SYT5: variants seen among roughly 807,000 people sequenced by gnomAD.
SYT5 encodes the protein synaptotagmin 5.
Under a neutral mutation model 36.0 loss-of-function variants are expected in SYT5, and 29 were observed. The observed-to-expected ratio is 0.81, with a 90% CI of 0.60 to 1.10. The LOEUF is 1.10. Ranked by LOEUF, SYT5 falls within the 50% of genes least tolerant of loss-of-function variation. The pLI is 0.00. For missense variants in SYT5, 512 were observed against 516.0 expected (o/e 0.99, Z 0.08); for synonymous variants, 231 against 227.6 (o/e 1.02, Z -0.14).
Position 55,178,216 on chromosome 19 carries a change from C to T in SYT5, c.232G>A (p.Gly78Ser). Residue 78 changes from glycine to serine, a missense_variant, in exon 3 of 9, where the codon GGC becomes AGC. By Grantham distance (56) the Gly-to-Ser change is moderately conservative. Transcript: ENST00000354308. Reference sequence around the variant, plus strand: ...CACACCTTGTCTATGTAACTCTGGCCCAGCCCCTTCACTTCCTGAAGGTGG... The same window carrying T: ...CACACCTTGTCTATGTAACTCTGGCTCAGCCCCTTCACTTCCTGAAGGTGG... The part of the protein sequence containing the change: ...QVHLQEVKGL[G>S]QSYIDKVQPE... The T allele has an allele frequency of 6.2e-7, 1 of 1,607,750 alleles. No individual in the cohort carries two copies. Among genetic ancestry groups the T allele is most frequent in the Non-Finnish European group, 8.5e-7 (1 of 1,177,422 alleles).
At chr19:55,174,209 C>A (rs1407683949) in intron 8 of SYT5, among the ~76,000 whole-genome samples, 1 of 141,478 alleles carries the variant, frequency 7.1e-6, no homozygotes, top group Non-Finnish European at 1.5e-5. Context: ...TGCTTGGGGG[C>A]GGAGCATCCT....
Position 55,176,066 on chromosome 19 carries a change from G to A in SYT5, c.311C>T (p.Ala104Val). ...CAGTCGTCCTAGCTCATGCTTGTCT[G>A]CCACCTGCTGCCCTGGCCCGGATGG... ...PAPSGPGQQV[A>V]DKHELGRLQY... Residue 104 changes from alanine to valine, a missense_variant, in exon 4 of 9, where the codon GCA becomes GTA. Ala to Val is a moderately conservative substitution (Grantham distance 64, BLOSUM62 0). Transcript: ENST00000354308. 6.2e-7 allele frequency: 1 copy of A among 1,614,198 alleles called. No homozygotes were observed. The highest frequency in any genetic ancestry group is 1.6e-4 in the Middle Eastern group (1 of 6,062).
Position 55,172,851 on chromosome 19 carries a change from A to T in SYT5, c.*633T>A, listed in dbSNP as rs973967725. ...AAGGGAGTTCTCGCGGACTCCTCAC[A>T]GCCAGCGTGTGGCAGGAATTATTAT... On this transcript the variant is annotated 3_prime_UTR_variant, in exon 9 of 9. Transcript: ENST00000354308. 1 of 152,314 alleles carries T rather than the reference A, an allele frequency of 6.6e-6. No individual in the cohort carries two copies. The highest frequency in any genetic ancestry group is 1.5e-5 in the Non-Finnish European group (1 of 68,078). 9.4% of individuals were successfully genotyped at this position (152,314 alleles called of 1,614,324 possible).
chr19:55,179,160 T>G lies in SYT5; in HGVS notation c.-45-74A>C. On this transcript the variant is annotated intron_variant, in intron 1 of 8. Coordinates refer to ENST00000354308, the MANE Select transcript of SYT5 (RefSeq NM_003180.3). The surrounding 1 kb of genome is among the most constrained non-coding windows in gnomAD (Gnocchi z 4.5). ...AAAGAACTCCAACTCCCATGAGGCC[T>G]TTGCGCGAACAGCCGCGCAGAAACC... The G allele has an allele frequency of 2.0e-6, 3 of 1,536,134 alleles. No individual in the cohort carries two copies. Among genetic ancestry groups the G allele is most frequent in the Non-Finnish European group, 2.6e-6 (3 of 1,146,068 alleles).
In SYT5 at chr19:55,175,125, G is replaced by T. The variant is rs539265162; in HGVS notation, c.708+47C>A. The T allele has an allele frequency of 1.3e-4, 213 of 1,578,824 alleles. No individual in the cohort carries two copies. The African/African-American group carries it at 2.7e-3, about 20-fold the overall frequency. On this transcript the variant is annotated intron_variant, in intron 6 of 8. Transcript: ENST00000354308. The surrounding 1 kb of genome is among the most constrained non-coding windows in gnomAD (Gnocchi z 4.5). ...TGATTGGCTCAGGATGTTGTGGGCGGGACTGGGCCTGGGGGCGTGGCTCGG... is the reference window on the plus strand; with the variant it reads ...TGATTGGCTCAGGATGTTGTGGGCGTGACTGGGCCTGGGGGCGTGGCTCGG...
At position 55,172,129 on chromosome 19, in the gene SYT5, A is replaced by AAAG. The variant is rs572469028; in HGVS notation, c.*1352_*1354dup. ...AAGAAAAGAAATAGAAAAGAAAAGA[A>AAAG]AAGAAGAAGGGCCGGGCGCGGTGGC... On this transcript the variant is annotated 3_prime_UTR_variant, in exon 9 of 9. Coordinates refer to ENST00000354308, the MANE Select transcript of SYT5 (RefSeq NM_003180.3). The AAAG allele has an allele frequency of 6.6e-6, 1 of 152,158 alleles. No homozygotes were observed. Among genetic ancestry groups the AAAG allele is most frequent in the Non-Finnish European group, 1.5e-5 (1 of 68,070 alleles). The allele number at this position is 152,158 out of a possible 1,614,324, so 9.4% of individuals were successfully genotyped here.
In SYT5 at chr19:55,178,170, G is replaced by C. The variant is rs201375667; in HGVS notation, c.252+26C>G. 1.1e-5 allele frequency: 17 copies of C among 1,602,480 alleles called. No homozygotes were observed. The East Asian group carries it at 3.6e-4, about 34-fold the overall frequency. ...AGGAGCAGGGTGCGGGAAGGGGCCA[G>C]GTGGAGGGGCTGGGCTGGGCCACAC... On this transcript the variant is annotated intron_variant, in intron 3 of 8. Transcript: ENST00000354308.
At position 55,178,064 on chromosome 19, in the gene SYT5, A is replaced by T. The variant is rs1261270174; in HGVS notation, c.252+132T>A. 2.9e-6 allele frequency: 3 copies of T among 1,041,302 alleles called. No homozygotes were observed. In the East Asian group the frequency reaches 7.9e-5, roughly 27 times the overall value. The allele number at this position is 1,041,302 out of a possible 1,614,324, so 64.5% of individuals were successfully genotyped here. ...TCCCCAGAGTCCAGTTGAGGGCTAG[A>T]CACACAGGGAGGATGAGCCAGTAAG... On this transcript the variant is annotated intron_variant, in intron 3 of 8. Transcript: ENST00000354308.
Position 55,174,943 on chromosome 19 carries a change from C to T in SYT5, c.765G>A (p.Lys255=). ...TAGCCTCCAGGACGATGACGGTGAG[C>T]TTCCCGGCCGTGGGGACATAGCGGA... ...FSLRYVPTAG[K]LTVIVLEAKN... is the part of the protein sequence containing the mutation. Residue 255 remains lysine, a synonymous_variant, in exon 7 of 9, where the codon AAG becomes AAA. Coordinates refer to ENST00000354308, the MANE Select transcript of SYT5 (RefSeq NM_003180.3). 6.2e-7 allele frequency: 1 copy of T among 1,614,188 alleles called. No individual in the cohort carries two copies. Among genetic ancestry groups the T allele is most frequent in the South Asian group, 1.1e-5 (1 of 91,080 alleles).
rs1373405489 is a variant in SYT5 at position 55,173,797 on chromosome 19, G to C, written c.961-113C>G. ...ACCTCTCGCTGCCACCCGAGGGCTCGGGGCCCCGGAGCTCGGGACGGGGGA... is the reference window on the plus strand; with the variant it reads ...ACCTCTCGCTGCCACCCGAGGGCTCCGGGCCCCGGAGCTCGGGACGGGGGA... On this transcript the variant is annotated intron_variant, in intron 8 of 8. Coordinates refer to ENST00000354308, the MANE Select transcript of SYT5 (RefSeq NM_003180.3). The surrounding 1 kb of genome is among the most constrained non-coding windows in gnomAD (Gnocchi z 5.4). 1.7e-6 allele frequency: 2 copies of C among 1,191,390 alleles called. No homozygotes were observed. Among genetic ancestry groups the C allele is most frequent in the Non-Finnish European group, 2.2e-6 (2 of 925,552 alleles). 73.8% of individuals were successfully genotyped at this position (1,191,390 alleles called of 1,614,324 possible).
Position 55,174,622 on chromosome 19 carries a change from C to T in SYT5, c.855G>A (p.Gln285=). The part of the protein sequence containing the change: ...SDPYVKVHLL[Q]GGKKVRKKKT... ...TCTTCTTCCGCACCTTTTTGCCGCCCTGCAGCAGGTGGACCTTGACGTATG... is the reference window on the plus strand; with the variant it reads ...TCTTCTTCCGCACCTTTTTGCCGCCTTGCAGCAGGTGGACCTTGACGTATG... Residue 285 remains glutamine, a synonymous_variant, in exon 8 of 9, where the codon CAG becomes CAA. Coordinates refer to ENST00000354308, the MANE Select transcript of SYT5 (RefSeq NM_003180.3). 6.2e-7 allele frequency: 1 copy of T among 1,614,008 alleles called. No homozygotes were observed. Among genetic ancestry groups the T allele is most frequent in the Non-Finnish European group, 8.5e-7 (1 of 1,179,976 alleles).
rs2147337347 is a variant in SYT5, at chr19:55,179,127, C to T, written c.-45-41G>A. 1.9e-6 allele frequency: 3 copies of T among 1,543,078 alleles called. No individual in the cohort carries two copies. Among genetic ancestry groups the T allele is most frequent in the Non-Finnish European group, 1.7e-6 (2 of 1,147,520 alleles). On this transcript the variant is annotated intron_variant, in intron 1 of 8. Transcript: ENST00000354308. This position sits in a 1 kb window ranked among gnomAD's most constrained non-coding sequence, Gnocchi z 4.5. ...CACCCCAGACGTCCTTTGAGCCCCA[C>T]GCACAACAAAGAACTCCAACTCCCA...
Position 55,173,910 on chromosome 19 carries a change from G to T in SYT5, c.961-226C>A, listed in dbSNP as rs1023554600. On this transcript the variant is annotated intron_variant, in intron 8 of 8. Coordinates refer to ENST00000354308, the MANE Select transcript of SYT5 (RefSeq NM_003180.3). This position sits in a 1 kb window ranked among gnomAD's most constrained non-coding sequence, Gnocchi z 5.4. Reference sequence around the variant, plus strand: ...TGCGCAGCCAGGTTTCTAAGGAAATGAACCCTCAGGACTCGGTTGCGGAGC... The same window carrying T: ...TGCGCAGCCAGGTTTCTAAGGAAATTAACCCTCAGGACTCGGTTGCGGAGC... The T allele has an allele frequency of 2.3e-6, 1 of 433,084 alleles. No individual in the cohort carries two copies. The highest frequency in any genetic ancestry group is 2.0e-5 in the African/African-American group (1 of 48,932). The allele number at this position is 433,084 out of a possible 1,614,324, so 26.8% of individuals were successfully genotyped here.
In SYT5 at chr19:55,179,690, A is replaced by G. The variant is rs148344791; in HGVS notation, c.-46+427T>C. The G allele has an allele frequency of 4.1e-3, 640 of 154,406 alleles. 6 individuals are homozygous for G. The highest frequency in any genetic ancestry group is 0.015 in the African/African-American group (603 of 41,478). 9.6% of individuals were successfully genotyped at this position (154,406 alleles called of 1,614,324 possible). ...GCAGGTTCCCTCTTCCCTCTCCCCA[A>G]TTTTGCTGGAGGGCGGGTCGGGGGC... On this transcript the variant is annotated intron_variant, in intron 1 of 8. Transcript: ENST00000354308. The surrounding 1 kb of genome is among the most constrained non-coding windows in gnomAD (Gnocchi z 4.5).
In SYT5 at chr19:55,173,651, C is replaced by T. The variant is rs753541581; in HGVS notation, c.994G>A (p.Asp332Asn). ...VQVELTVLDY[D>N]KLGKNEAIGR... ...ATGGCCTCGTTCTTGCCCAGCTTGT[C>T]GTAGTCCAGCACGGTCAGCTCCACC... Residue 332 changes from aspartate to asparagine, a missense_variant, in exon 9 of 9, where the codon GAC (aspartate) becomes AAC (asparagine). Asp to Asn is a conservative substitution (Grantham distance 23). Coordinates refer to ENST00000354308, the MANE Select transcript of SYT5 (RefSeq NM_003180.3). The surrounding 1 kb of genome is among the most constrained non-coding windows in gnomAD (Gnocchi z 5.4). 14 of 1,476,526 alleles carry T rather than the reference C, an allele frequency of 9.5e-6. 1 individual carries two copies. The highest frequency in any genetic ancestry group is 2.7e-5 in the Admixed American group (1 of 37,388). 91.5% of individuals were successfully genotyped at this position (1,476,526 alleles called of 1,614,324 possible). A position where few individuals can be genotyped will look rare whatever the true frequency, so the allele number is the denominator to read the frequency against.
rs1360915067 is a variant in SYT5 at position 55,179,254 on chromosome 19, G to A, written c.-45-168C>T. 1 of 1,475,282 alleles carries A rather than the reference G, an allele frequency of 6.8e-7. No homozygotes were observed. The highest frequency in any genetic ancestry group is 9.0e-7 in the Non-Finnish European group (1 of 1,117,280). The allele number at this position is 1,475,282 out of a possible 1,614,324, so 91.4% of individuals were successfully genotyped here. A position where few individuals can be genotyped will look rare whatever the true frequency, so the allele number is the denominator to read the frequency against. ...CCCCGCACTTGAGAGGGGGTGTCCA[G>A]GACCTAGTTCCATCCTAAAGGGATA... On this transcript the variant is annotated intron_variant, in intron 1 of 8. Transcript: ENST00000354308. The surrounding 1 kb of genome is among the most constrained non-coding windows in gnomAD (Gnocchi z 4.5).
chr19:55,178,296 TAG>T lies in SYT5; in HGVS notation c.150_151del (p.Tyr51ProfsTer57), dbSNP rs751375758. 1.1e-5 allele frequency: 17 copies of T among 1,612,024 alleles called. No individual in the cohort carries two copies. The highest frequency in any genetic ancestry group is 1.4e-5 in the Non-Finnish European group (17 of 1,179,390). On this transcript the variant is annotated frameshift_variant, in exon 3 of 9. Transcript: ENST00000354308. LOFTEE classifies it high-confidence loss of function. The stretch of plus-strand genomic sequence containing the variant: ...TGTCCGCCTCCGACAGCTCTTCCGG[TAG>T]AGACAGAAACAGCAGCTGAAGATGA...
rs781698435 is a variant in SYT5, at chr19:55,175,149, G to A, written c.708+23C>T. ...GGGACTGGGCCTGGGGGCGTGGCTC[G>A]GGGCGCGACCGCGCATGCTCACCTC... is the stretch of plus-strand genomic sequence containing the variant. On this transcript the variant is annotated intron_variant, in intron 6 of 8. Coordinates refer to ENST00000354308, the MANE Select transcript of SYT5 (RefSeq NM_003180.3). The surrounding 1 kb of genome is among the most constrained non-coding windows in gnomAD (Gnocchi z 4.5). The A allele has an allele frequency of 2.5e-6, 4 of 1,579,312 alleles. No homozygotes were observed. In the South Asian group the frequency reaches 3.4e-5, roughly 14 times the overall value.
rs1293248878 is a variant in SYT5 at position 55,173,940 on chromosome 19, G to A, written c.961-256C>T. 5.0e-6 allele frequency: 2 copies of A among 399,822 alleles called. No individual in the cohort carries two copies. Among genetic ancestry groups the A allele is most frequent in the Non-Finnish European group, 8.7e-6 (2 of 228,818 alleles). The allele number at this position is 399,822 out of a possible 1,614,324, so 24.8% of individuals were successfully genotyped here. The stretch of plus-strand genomic sequence containing the variant: ...CTCAGGACTCGGTTGCGGAGCGGGT[G>A]TGTTCGGCGCCTCCTGGGGGAGCAG... On this transcript the variant is annotated intron_variant, in intron 8 of 8. Transcript: ENST00000354308. The surrounding 1 kb of genome is among the most constrained non-coding windows in gnomAD (Gnocchi z 5.4).
Sources: gnomAD v4.1 joint callset for allele counts (sites outside exome capture counted in the v4.1 genomes callset) on GRCh38, gnomAD v4.1.1 for gene constraint, Gnocchi (gnomAD v3.1) non-coding constraint, MANE v1.5 for transcripts, NCBI Gene and HGNC (gene_info 2026-07-23, HGNC 2026-07-21) for gene names.